The following F13A1 variants were observed in gnomAD, a reference collection of about 807,000 sequenced individuals.
F13A1 encodes FSF, A subunit.
A neutral mutation model predicts 80.1 loss-of-function variants in F13A1; 47 were observed. The observed-to-expected ratio is 0.59, with a 90% confidence interval of 0.46 to 0.75. The LOEUF is 0.75. Among genes scored for constraint, F13A1 ranks in the 30% least tolerant of loss-of-function variants. The pLI is 0.00. For synonymous variants in F13A1, 349 were observed against 344.9 expected, an observed-to-expected ratio of 1.01 and a Z score of -0.13; for missense variants, 817 against 930.4, an observed-to-expected ratio of 0.88 and a Z score of 1.59.
At chr6:6,268,117 ACTT>A (rs1305017054) in intron 3 of F13A1, among the ~76,000 whole-genome samples, 1 of 152,238 alleles carries the variant, frequency 6.6e-6, no homozygotes, top group East Asian at 1.9e-4. Context: ...TTTAAAGACT[ACTT>A]CTGACATTTT....
intron 3 of F13A1, among the ~76,000 whole-genome samples, chr6:6,281,047 C>T (rs531670689): frequency 5.9e-5 from 9 of 152,268 alleles, no homozygotes; most frequent in East Asian, 1.9e-4. Context: ...CATTGAACAT[C>T]GCATGGCTCC....
At chr6:6,191,195 C>G (rs1006945879) in intron 10 of F13A1, among the ~76,000 whole-genome samples, 1 of 152,224 alleles carries the variant, frequency 6.6e-6, no homozygotes, top group Non-Finnish European at 1.5e-5. Flanking sequence ...CTGCGTCACT[C>G]ATGCTGGGAG....
chr6:6,245,557 C>T (rs774600482), intron 6 of F13A1, among the ~76,000 whole-genome samples: 1 of 152,182 alleles, frequency 6.6e-6, no homozygotes, highest in Non-Finnish European at 1.5e-5. Flanking sequence ...TGAAAGTTTG[C>T]ACAATTTGGG....
At chr6:6,153,455 C>T (rs779379931) in intron 13 of F13A1, among the ~76,000 whole-genome samples, 1 of 152,198 alleles carries the variant, frequency 6.6e-6, no homozygotes, top group African/African-American at 2.4e-5. Context: ...TATGGCTTTA[C>T]TCATCAAGCC....
At position 6,228,878 on chromosome 6, in the gene F13A1, G is replaced by A. The variant is rs527588814; in HGVS notation, c.799-4018C>T. Reference sequence around the variant, plus strand: ...ACACAATTGGGAAATAATACAAGCTGAGCGTATCCCCCAATGGAACTGAGA... The same window carrying A: ...ACACAATTGGGAAATAATACAAGCTAAGCGTATCCCCCAATGGAACTGAGA... On this transcript the variant is annotated intron_variant, in intron 6 of 14. Transcript: ENST00000264870. Among the ~76,000 whole-genome samples, 219 of 152,286 alleles carry A rather than the reference G, an allele frequency of 1.4e-3. 2 individuals carry two copies. Among genetic ancestry groups the A allele is most frequent in the African/African-American group, 5.0e-3 (209 of 41,566 alleles).
Position 6,174,772 on chromosome 6 carries a change from C to T in F13A1, c.1555G>A (p.Val519Ile), listed in dbSNP as rs771196991. ...TEGVMKSRSNVDMDFEVENAV... is the reference protein window; with the variant it reads ...TEGVMKSRSNIDMDFEVENAV... ...TTTTCCACTTCAAAGTCCATGTCAA[C>T]GTTGGACCTTGATTTCATGACACCT... is the stretch of plus-strand genomic sequence containing the variant. The change falls in exon 12 of 15, where the codon GTT (valine) becomes ATT (isoleucine). Residue 519 changes from valine to isoleucine, a missense_variant. By Grantham distance (29) the Val-to-Ile change is conservative. Coordinates refer to ENST00000264870, the MANE Select transcript of F13A1 (RefSeq NM_000129.4). 10 of 1,614,094 alleles carry T rather than the reference C, an allele frequency of 6.2e-6. No individual in the cohort carries two copies. The highest frequency in any genetic ancestry group is 1.7e-5 in the Admixed American group (1 of 60,014).
chr6:6,147,156 CA>C (rs1444867074), intron 14 of F13A1, among the ~76,000 whole-genome samples: 2 of 152,126 alleles, frequency 1.3e-5, no homozygotes, highest in Non-Finnish European at 2.9e-5. Context: ...TTTGGGGACT[CA>C]GGGGAAAGGT....
chr6:6,208,677 CTGAG>C (rs1761539206), intron 8 of F13A1, among the ~76,000 whole-genome samples: 1 of 151,884 alleles, frequency 6.6e-6, no homozygotes, highest in Non-Finnish European at 1.5e-5. Context: ...AATCTCAGAC[CTGAG>C]TGAAACAAAG....
At chr6:6,230,844 T>C (rs1757341923) in intron 6 of F13A1, among the ~76,000 whole-genome samples, 1 of 152,026 alleles carries the variant, frequency 6.6e-6, no homozygotes, top group African/African-American at 2.4e-5. Context: ...AGAGAGACAA[T>C]CACTGCAATT....
At position 6,257,534 on chromosome 6, in the gene F13A1, G is replaced by A. The variant is rs570192261; in HGVS notation, c.572-6605C>T. Among the ~76,000 whole-genome samples the A allele has an allele frequency of 2.3e-4, 35 of 152,258 alleles. No homozygotes were observed. The South Asian group carries it at 7.1e-3, about 31-fold the overall frequency. ...TTCCTTTTAGCCCCTTCAGTATAAA[G>A]TAGAGTAGTTCGCCAGGACTGGTAT... On this transcript the variant is annotated intron_variant, in intron 4 of 14. Transcript: ENST00000264870.
intron 3 of F13A1, among the ~76,000 whole-genome samples, chr6:6,285,983 T>G (rs1758134563): frequency 6.6e-6 from 1 of 152,206 alleles, no homozygotes; most frequent in African/African-American, 2.4e-5. Flanking sequence ...ACAACACTAG[T>G]AAACGCACTG....
intron 6 of F13A1, among the ~76,000 whole-genome samples, chr6:6,242,272 C>T (rs1463502053): frequency 6.6e-6 from 1 of 152,160 alleles, no homozygotes; most frequent in Non-Finnish European, 1.5e-5. Flanking sequence ...GATTTACTAG[C>T]TGAAGTTCAA....
intron 4 of F13A1, 74 bp downstream of exon 4, chr6:6,266,484 G>A: frequency 4.3e-6 from 7 of 1,610,318 alleles, no homozygotes; most frequent in Non-Finnish European, 5.9e-6. Flanking sequence ...AGAGCTGGGA[G>A]TATAGGCATG....
At chr6:6,226,524 T>A (rs1757277931) in intron 6 of F13A1, among the ~76,000 whole-genome samples, 1 of 152,200 alleles carries the variant, frequency 6.6e-6, no homozygotes, top group Non-Finnish European at 1.5e-5. Flanking sequence ...TAAAACATGG[T>A]GAGCTTTTAT....
At chr6:6,214,318 T>C (rs1014387753) in intron 8 of F13A1, among the ~76,000 whole-genome samples, 4 of 151,770 alleles carry the variant, frequency 2.6e-5, no homozygotes, top group Admixed American at 1.3e-4. Context: ...ACAGAAATTA[T>C]AACAAACTAT....
At chr6:6,230,450 A>T (rs6903207) in intron 6 of F13A1, among the ~76,000 whole-genome samples, 4,194 of 152,178 alleles carry the variant, frequency 0.028, 209 homozygotes, top group African/African-American at 0.095. Context: ...CTGCCCAAGG[A>T]GAGTCTGACC....
At chr6:6,150,359 AT>A (rs538953097) in intron 14 of F13A1, among the ~76,000 whole-genome samples, 8 of 151,140 alleles carry the variant, frequency 5.3e-5, no homozygotes, top group African/African-American at 9.7e-5. Context: ...TAATTTACTT[AT>A]TTTTTTTTCC....
At chr6:6,202,342 A>C (rs1392709448) in intron 8 of F13A1, among the ~76,000 whole-genome samples, 4 of 152,178 alleles carry the variant, frequency 2.6e-5, no homozygotes, top group Non-Finnish European at 5.9e-5. Flanking sequence ...CAATTCCATC[A>C]TGCATTTGTA....
intron 11 of F13A1, among the ~76,000 whole-genome samples, chr6:6,181,713 A>G (rs1200588934): frequency 6.6e-6 from 1 of 152,242 alleles, no homozygotes; most frequent in African/African-American, 2.4e-5. Context: ...GAGCAAGAAC[A>G]TATTCTATAT....
Sources: allele counts gnomAD v4.1 joint callset (sites outside exome capture counted in the v4.1 genomes callset), GRCh38; gene constraint gnomAD v4.1.1; transcripts MANE v1.5; gene names NCBI Gene and HGNC (gene_info 2026-07-23, HGNC 2026-07-21).